The following HSPA12A variants were observed in gnomAD, a reference collection of about 807,000 sequenced individuals.
HSPA12A encodes the protein heat shock 70 kDa protein 12A.
HSPA12A carries 28 observed loss-of-function variants against 69.2 expected under a neutral mutation model. The ratio of observed to expected loss-of-function variants is 0.40; its 90% CI spans 0.30 to 0.55. The LOEUF is 0.55. Among genes scored for constraint, HSPA12A ranks in the 20% least tolerant of loss-of-function variants. The pLI is 0.38. For missense variants in HSPA12A, 686 were observed against 900.7 expected, an observed-to-expected ratio of 0.76 and a Z score of 3.05; for synonymous variants, 345 against 370.5, an observed-to-expected ratio of 0.93 and a Z score of 0.79.
At position 116,676,411 on chromosome 10, in the gene HSPA12A, T is replaced by C. The variant is rs782193625; in HGVS notation, c.1378A>G (p.Ile460Val). Residue 460 changes from isoleucine to valine, a missense_variant, in exon 11 of 12, where the codon ATT (isoleucine) becomes GTT (valine). Physicochemically the swap from Ile to Val is conservative, Grantham distance 29. Transcript: ENST00000369209. ...ALFKPTIDSI[I>V]EHLRDLFQKP... ...GGCTGATACTTACGGAGATGCTCAATGATGCTATCGATGGTCGGCTTAAAA... is the reference window on the plus strand; with the variant it reads ...GGCTGATACTTACGGAGATGCTCAACGATGCTATCGATGGTCGGCTTAAAA... 1 of 1,613,594 alleles carries C rather than the reference T, an allele frequency of 6.2e-7. No individual in the cohort carries two copies. The highest frequency in any genetic ancestry group is 1.3e-5 in the African/African-American group (1 of 74,944).
At chr10:116,819,250 C>A (rs1251922752) in intron 2 of HSPA12A, among the ~76,000 whole-genome samples, 1 of 152,220 alleles carries the variant, frequency 6.6e-6, no homozygotes, top group African/African-American at 2.4e-5. Flanking sequence ...GTGCCCCTCT[C>A]ATCTGGATGG....
chr10:116,761,239 G>T (rs1201900496), intron 2 of HSPA12A, among the ~76,000 whole-genome samples: 1 of 151,846 alleles, frequency 6.6e-6, no homozygotes, highest in Non-Finnish European at 1.5e-5. Context: ...TAATCCCAGC[G>T]CTTTGGGAGG....
At position 116,724,625 on chromosome 10, in the gene HSPA12A, T is replaced by C. The variant is rs149138068; in HGVS notation, c.41-17340A>G. ...CCTGGCTGTTTCCTCCTTTCTTGCT[T>C]TGGATAATATTTCCTATAGTAAACA... is the stretch of plus-strand genomic sequence containing the variant. On this transcript the variant is annotated intron_variant, in intron 1 of 11. Coordinates refer to ENST00000369209, the MANE Select transcript of HSPA12A (RefSeq NM_025015.3). Among the ~76,000 whole-genome samples the C allele has an allele frequency of 1.5e-3, 226 of 152,314 alleles. 2 individuals carry two copies. The highest frequency in any genetic ancestry group is 5.2e-3 in the African/African-American group (218 of 41,568).
chr10:116,743,660 C>T (rs1434037199), upstream of HSPA12A, among the ~76,000 whole-genome samples: 3 of 152,172 alleles, frequency 2.0e-5, no homozygotes, highest in Admixed American at 2.0e-4. Flanking sequence ...GAGGCTTCAT[C>T]GTACAATCCC....
chr10:116,706,752 T>C (rs1850264445), intron 2 of HSPA12A, among the ~76,000 whole-genome samples: 1 of 152,196 alleles, frequency 6.6e-6, no homozygotes, highest in Non-Finnish European at 1.5e-5. Context: ...CCAGGCAAGC[T>C]GTTCCAGAAG....
intron 2 of HSPA12A, among the ~76,000 whole-genome samples, chr10:116,766,298 T>C (rs7092413): frequency 0.078 from 11,913 of 152,112 alleles, 1,520 homozygotes; most frequent in African/African-American, 0.27. Context: ...GTTGAAAAAC[T>C]GAAATTCTTG....
intron 2 of HSPA12A, chr10:116,751,368 T>C: frequency 6.5e-6 from 1 of 154,972 alleles, no homozygotes; most frequent in South Asian, 2.0e-4. Flanking sequence ...AAGTTGCATG[T>C]ACATTTTGCA....
chr10:116,714,285 T>C (rs1332372192), intron 1 of HSPA12A, among the ~76,000 whole-genome samples: 1 of 152,138 alleles, frequency 6.6e-6, no homozygotes, highest in Non-Finnish European at 1.5e-5. Flanking sequence ...ACATACATGC[T>C]ATGCTGAGTG....
chr10:116,834,935 C>T, exon 2 of HSPA12A: 3 of 1,229,888 alleles, frequency 2.4e-6, no homozygotes, highest in Non-Finnish European at 3.0e-6. Flanking sequence ...AATTTCCTAC[C>T]TGAAGCGGCT....
chr10:116,682,867 A>ATTTTTTTTTTTT (rs60393392), intron 7 of HSPA12A, among the ~76,000 whole-genome samples: 6 of 117,688 alleles, frequency 5.1e-5, no homozygotes, highest in African/African-American at 2.1e-4. Flanking sequence ...CGCCCGGCTA[A>ATTTTTTTTTTTT]TTTTTTTTTT....
chr10:116,834,815 G>T, intron 2 of HSPA12A: 1 of 435,714 alleles, frequency 2.3e-6, no homozygotes, highest in Non-Finnish European at 3.7e-6. Context: ...CATCTTACAC[G>T]TGCAGAAGTT....
chr10:116,698,546 G>T, intron 5 of HSPA12A, 89 bp downstream of exon 5: 1 of 976,718 alleles, frequency 1.0e-6, no homozygotes, highest in Non-Finnish European at 1.6e-6. Flanking sequence ...CTCCTACCCT[G>T]GCCAGCAGGT....
In HSPA12A at chr10:116,675,281, C is replaced by A. The variant is rs782554418; in HGVS notation, c.1528G>T (p.Val510Leu). The A allele has an allele frequency of 9.9e-6, 16 of 1,613,484 alleles. No homozygotes were observed. Among genetic ancestry groups the A allele is most frequent in the Non-Finnish European group, 1.4e-5 (16 of 1,180,046 alleles). ...GCACCCTTGAGGATGGTGAGGCCCA[C>A]GTCCTGGGGGATGATGATCCGGCAC... is the stretch of plus-strand genomic sequence containing the variant. ...DQCRIIIPQDVGLTILKGAVL... is the reference protein window; with the variant it reads ...DQCRIIIPQDLGLTILKGAVL... Residue 510 changes from valine to leucine, a missense_variant, in exon 12 of 12, where the codon GTG becomes TTG. Val to Leu is a conservative substitution (Grantham distance 32). Coordinates refer to ENST00000369209, the MANE Select transcript of HSPA12A (RefSeq NM_025015.3). The surrounding 1 kb of genome is among the most constrained non-coding windows in gnomAD (Gnocchi z 5.2).
At chr10:116,726,027 G>GCGCA (rs140160132) in intron 1 of HSPA12A, among the ~76,000 whole-genome samples, 25 of 146,112 alleles carry the variant, frequency 1.7e-4, no homozygotes, top group Non-Finnish European at 2.5e-4. Flanking sequence ...ACACACACAC[G>GCGCA]CACACACACA....
At chr10:116,778,393 G>A (rs1279928931) in intron 2 of HSPA12A, among the ~76,000 whole-genome samples, 1 of 152,146 alleles carries the variant, frequency 6.6e-6, no homozygotes, top group Non-Finnish European at 1.5e-5. Context: ...GTCAGAGAAG[G>A]AAGCAGTTCT....
intron 2 of HSPA12A, chr10:116,832,783 G>A (rs1299801421): frequency 6.6e-6 from 1 of 152,164 alleles, no homozygotes; most frequent in Non-Finnish European, 1.5e-5. Context: ...TGACAGCAGG[G>A]AGAGAATTCA....
intron 1 of HSPA12A, among the ~76,000 whole-genome samples, chr10:116,841,066 A>G (rs1328306436): frequency 6.6e-6 from 1 of 152,230 alleles, no homozygotes; most frequent in Non-Finnish European, 1.5e-5. Flanking sequence ...GCAGACACCC[A>G]GATACTTCTA....
intron 1 of HSPA12A, among the ~76,000 whole-genome samples, chr10:116,842,608 GTTTGTT>G (rs527476896): frequency 2.6e-5 from 4 of 152,060 alleles, no homozygotes; most frequent in African/African-American, 4.8e-5. Flanking sequence ...TGCTTAAAGA[GTTTGTT>G]TTTGTTTTTG....
intron 1 of HSPA12A, among the ~76,000 whole-genome samples, chr10:116,719,372 T>C (rs1429930035): frequency 2.0e-5 from 3 of 152,154 alleles, no homozygotes; most frequent in African/African-American, 7.2e-5. Flanking sequence ...AGGCCACACC[T>C]GCAGCTGCCA....
Sources: allele counts gnomAD v4.1 joint callset (sites outside exome capture counted in the v4.1 genomes callset), GRCh38; gene constraint gnomAD v4.1.1; non-coding constraint Gnocchi (gnomAD v3.1); transcripts MANE v1.5; gene names NCBI Gene and HGNC (gene_info 2026-07-23, HGNC 2026-07-21).